Variants in PPP2R1A observed in about 807,000 individuals in gnomAD.
PPP2R1A encodes the protein protein phosphatase 2 scaffold subunit Aalpha, also known as serine/threonine-protein phosphatase 2A 65 kDa regulatory subunit A alpha isoform.
In PPP2R1A, 15 loss-of-function variants were observed where a neutral mutation model predicts 67.1. The ratio of observed to expected loss-of-function variants is 0.22; its 90% CI spans 0.15 to 0.34. The LOEUF (loss-of-function observed/expected upper bound fraction) is 0.34. PPP2R1A is among the 10% of genes least tolerant of loss of function. The pLI is 1.00. For missense variants in PPP2R1A, 369 were observed against 775.0 expected, an observed-to-expected ratio of 0.48 and a Z score of 6.22; for synonymous variants, 337 against 325.0, an observed-to-expected ratio of 1.04 and a Z score of -0.40.
At chr19:52,209,610 C>A (rs8105792) in intron 3 of PPP2R1A, among the ~76,000 whole-genome samples, 22,769 of 152,116 alleles carry the variant, frequency 0.15, 2,063 homozygotes, top group African/African-American at 0.25. Context: ...CATTATCACC[C>A]TCCATCTCCA....
intron 14 of PPP2R1A, 45 bp downstream of exon 14, chr19:52,225,853 G>A (rs754123014): frequency 4.7e-5 from 75 of 1,612,282 alleles, no homozygotes; most frequent in Non-Finnish European, 6.2e-5. Context: ...GGTGGACTTT[G>A]AGGACAGGCA....
intron 1 of PPP2R1A, chr19:52,190,433 TGGGA>T: frequency 1.8e-6 from 1 of 560,352 alleles, no homozygotes; most frequent in Non-Finnish European, 3.2e-6. Context: ...TCCGCGGTCC[TGGGA>T]GGTTGTGGCC....
intron 1 of PPP2R1A, chr19:52,200,306 G>A (rs956693329): frequency 6.6e-6 from 1 of 152,206 alleles, no homozygotes; most frequent in Admixed American, 6.5e-5. Flanking sequence ...GAGAGGCCTC[G>A]TGGTGATGAA....
intron 11 of PPP2R1A, 38 bp downstream of exon 11, chr19:52,220,287 G>C: frequency 6.2e-7 from 1 of 1,601,456 alleles, no homozygotes; most frequent in Non-Finnish European, 8.6e-7. Flanking sequence ...GGAGATGGGA[G>C]CTCCAGAAAG....
chr19:52,226,242 A>G lies in PPP2R1A; in HGVS notation c.*261A>G. ...GGGCTACTCCGCCCACGTCAGGGAGAGATGTGAGCATCCCGGGTCACTGGA... is the reference window on the plus strand; with the variant it reads ...GGGCTACTCCGCCCACGTCAGGGAGGGATGTGAGCATCCCGGGTCACTGGA... On this transcript the variant is annotated 3_prime_UTR_variant, in exon 15 of 15. Transcript: ENST00000322088. 1.8e-6 allele frequency: 1 copy of G among 544,532 alleles called. No homozygotes were observed. Among genetic ancestry groups the G allele is most frequent in the South Asian group, 2.8e-5 (1 of 36,038 alleles). 33.7% of individuals were successfully genotyped at this position (544,532 alleles called of 1,614,324 possible).
At position 52,199,323 on chromosome 19, in the gene PPP2R1A, C is replaced by T. The variant is rs539677823; in HGVS notation, c.79-2621C>T. Among the ~76,000 whole-genome samples the T allele has an allele frequency of 9.9e-5, 15 of 152,184 alleles. No homozygotes were observed. In the East Asian group the frequency reaches 1.4e-3, roughly 14 times the overall value. On this transcript the variant is annotated intron_variant, in intron 1 of 14. Transcript: ENST00000322088. The stretch of plus-strand genomic sequence containing the variant: ...CTGGGACTATAGGCGCCCGCCACCA[C>T]GCCCGGCTAATTTCTTTTTGTATTT...
intron 2 of PPP2R1A, among the ~76,000 whole-genome samples, chr19:52,203,606 A>T (rs1012967580): frequency 3.3e-5 from 5 of 152,008 alleles, no homozygotes; most frequent in African/African-American, 1.2e-4. Context: ...AGCAATCATA[A>T]CACAGAACAT....
At chr19:52,202,092 T>A in intron 2 of PPP2R1A, 58 bp downstream of exon 2, 3 of 1,405,972 alleles carry the variant, frequency 2.1e-6, no homozygotes, top group Non-Finnish European at 3.0e-6. Context: ...TGGTTTTCAC[T>A]ATATAAGAGA....
Position 52,211,445 on chromosome 19 carries a change from C to A in PPP2R1A, c.456C>A (p.Ser152=). ...TSRTSACGLF[S]VCYPRVSSAV... is the part of the protein sequence containing the mutation. Reference sequence around the variant, plus strand: ...GCACCTCGGCCTGCGGCCTCTTCTCCGTCTGCTACCCCCGAGTGTCCAGTG... The same window carrying A: ...GCACCTCGGCCTGCGGCCTCTTCTCAGTCTGCTACCCCCGAGTGTCCAGTG... The change falls in exon 4 of 15, where the codon TCC becomes TCA. Residue 152 remains serine (S), a synonymous_variant. Transcript: ENST00000322088. This position sits in a 1 kb window ranked among gnomAD's most constrained non-coding sequence, Gnocchi z 5.3. The A allele has an allele frequency of 6.2e-7, 1 of 1,613,926 alleles. No homozygotes were observed. The highest frequency in any genetic ancestry group is 8.5e-7 in the Non-Finnish European group (1 of 1,179,998).
intron 13 of PPP2R1A, among the ~76,000 whole-genome samples, chr19:52,224,659 C>G (rs185764478): frequency 3.9e-4 from 60 of 152,282 alleles, no homozygotes; most frequent in African/African-American, 1.4e-3. Context: ...TATCATACTT[C>G]TGACCTTTAA....
intron 13 of PPP2R1A, among the ~76,000 whole-genome samples, chr19:52,223,664 T>C (rs148483061): frequency 1.2e-4 from 18 of 152,264 alleles, no homozygotes; most frequent in African/African-American, 4.3e-4. Flanking sequence ...CAGTGACATA[T>C]GACTACACGC....
chr19:52,206,756 A>G (rs1330968214), intron 3 of PPP2R1A, among the ~76,000 whole-genome samples: 1 of 152,148 alleles, frequency 6.6e-6, no homozygotes, highest in Admixed American at 6.5e-5. Context: ...CCCAACAAGC[A>G]GCGTTGTTTG....
intron 1 of PPP2R1A, among the ~76,000 whole-genome samples, chr19:52,195,445 T>C (rs1239749887): frequency 6.6e-6 from 1 of 152,246 alleles, no homozygotes; most frequent in Non-Finnish European, 1.5e-5. Context: ...CATTCAGTTC[T>C]GCAGCACACG....
rs780783086 is a variant in PPP2R1A, at chr19:52,211,218, G to T, written c.271-42G>T. On this transcript the variant is annotated intron_variant, in intron 3 of 14. Coordinates refer to ENST00000322088, the MANE Select transcript of PPP2R1A (RefSeq NM_014225.6). The surrounding 1 kb of genome is among the most constrained non-coding windows in gnomAD (Gnocchi z 5.3). ...GGATGGGGCTCCAGGGCTGCGGATG[G>T]TGGAGAGGGAGCTGTCCAGTGACTT... is the stretch of plus-strand genomic sequence containing the variant. 2.5e-6 allele frequency: 4 copies of T among 1,584,708 alleles called. No homozygotes were observed. In the Admixed American group the frequency reaches 7.0e-5, roughly 28 times the overall value.
chr19:52,206,094 A>G (rs2122312589), intron 3 of PPP2R1A, 31 bp downstream of exon 3: 2 of 1,590,660 alleles, frequency 1.3e-6, no homozygotes, highest in African/African-American at 1.3e-5. Context: ...CCTCTTGCCC[A>G]CCCCTTAGGG....
intron 3 of PPP2R1A, 137 bp downstream of exon 3, chr19:52,206,200 A>G (rs1451510304): frequency 1.5e-6 from 1 of 689,058 alleles, no homozygotes; most frequent in Non-Finnish European, 2.4e-6. Flanking sequence ...CATCCGCTTT[A>G]ATCCAACAAG....
intron 13 of PPP2R1A, among the ~76,000 whole-genome samples, chr19:52,224,223 A>G (rs1979114955): frequency 6.6e-6 from 1 of 152,246 alleles, no homozygotes. Flanking sequence ...TGTGGGACCC[A>G]CAACTGCAGA....
Position 52,227,148 on chromosome 19 carries a change from T to C in PPP2R1A, c.*1167T>C, listed in dbSNP as rs1979313933. 6.6e-6 allele frequency: 1 copy of C among 152,128 alleles called. No individual in the cohort carries two copies. Among genetic ancestry groups the C allele is most frequent in the African/African-American group, 2.4e-5 (1 of 41,410 alleles). The allele number at this position is 152,128 out of a possible 1,614,324, so 9.4% of individuals were successfully genotyped here. On this transcript the variant is annotated 3_prime_UTR_variant, in exon 15 of 15. Coordinates refer to ENST00000322088, the MANE Select transcript of PPP2R1A (RefSeq NM_014225.6). ...TCCTAGTGTCTCTTGAAATTAGGTG[T>C]GGTATTGTGACCAAATTCTAGCCAA...
In PPP2R1A at chr19:52,202,051, C is replaced by A. The variant is rs1421549263; in HGVS notation, c.169+17C>A. On this transcript the variant is annotated intron_variant, in intron 2 of 14. Coordinates refer to ENST00000322088, the MANE Select transcript of PPP2R1A (RefSeq NM_014225.6). ...TCCTTACAGGTAACAAAGGGGACCC[C>A]TGGGGCCCAGATGTGGGGACTCTTG... The A allele has an allele frequency of 6.2e-7, 1 of 1,608,132 alleles. No homozygotes were observed. The highest frequency in any genetic ancestry group is 8.5e-7 in the Non-Finnish European group (1 of 1,174,650).
Sources: allele counts gnomAD v4.1 joint callset (sites outside exome capture counted in the v4.1 genomes callset), GRCh38; gene constraint gnomAD v4.1.1; non-coding constraint Gnocchi (gnomAD v3.1); transcripts MANE v1.5; gene names NCBI Gene and HGNC (gene_info 2026-07-23, HGNC 2026-07-21).